Variants in KHDRBS2 observed in about 807,000 individuals in gnomAD.
KHDRBS2 encodes the protein KH domain-containing, RNA-binding, signal transduction-associated protein 2.
A neutral mutation model predicts 44.3 loss-of-function variants in KHDRBS2; 26 were observed. The ratio of observed to expected loss-of-function variants is 0.59; its 90% CI spans 0.43 to 0.81. KHDRBS2 has a LOEUF of 0.81. Ranked by LOEUF, KHDRBS2 falls within the 40% of genes least tolerant of loss-of-function variation. The pLI is 0.00. For synonymous variants in KHDRBS2, 194 were observed against 151.1 expected, an observed-to-expected ratio of 1.28 and a Z score of -2.08; for missense variants, 476 against 433.1, an observed-to-expected ratio of 1.10 and a Z score of -0.88.
intron 1 of KHDRBS2, among the ~76,000 whole-genome samples, chr6:62,248,717 A>G (rs74996714): frequency 0.025 from 3,788 of 152,190 alleles, 119 homozygotes; most frequent in African/African-American, 0.081. Context: ...CAAAAGACTC[A>G]TGGGGAGCTC....
At chr6:61,771,746 T>C (rs1036235462) in intron 6 of KHDRBS2, among the ~76,000 whole-genome samples, 2 of 152,144 alleles carry the variant, frequency 1.3e-5, no homozygotes, top group African/African-American at 4.8e-5. Context: ...TGAGAGACTT[T>C]AACACCCCAC....
intron 7 of KHDRBS2, among the ~76,000 whole-genome samples, chr6:61,705,107 G>A (rs937298177): frequency 4.6e-5 from 7 of 151,698 alleles, no homozygotes; most frequent in African/African-American, 1.5e-4. Context: ...TATTTTGGAG[G>A]CCCAAACTCA....
intron 4 of KHDRBS2, among the ~76,000 whole-genome samples, chr6:61,945,641 C>T (rs943500291): frequency 1.3e-5 from 2 of 149,872 alleles, no homozygotes; most frequent in Non-Finnish European, 3.0e-5. Context: ...TAATTTTATA[C>T]ATCTTTCCTT....
chr6:61,899,757 T>C (rs1446231456), intron 5 of KHDRBS2, among the ~76,000 whole-genome samples: 1 of 124,570 alleles, frequency 8.0e-6, no homozygotes, highest in African/African-American at 2.9e-5. Flanking sequence ...TTTTAAGGCA[T>C]ACAAAATAGA....
At chr6:61,844,537 T>G (rs1185272405) in intron 6 of KHDRBS2, among the ~76,000 whole-genome samples, 2 of 152,168 alleles carry the variant, frequency 1.3e-5, no homozygotes, top group Non-Finnish European at 2.9e-5. Context: ...TTCTAGTACC[T>G]TTGTTGATAT....
rs544090128 is a variant in KHDRBS2 at position 61,710,851 on chromosome 6, T to C, written c.894-13598A>G. 1.8e-4 allele frequency among the ~76,000 whole-genome samples: 25 copies of C among 138,936 alleles called. 1 individual carries two copies. The highest frequency in any genetic ancestry group is 3.3e-4 in the Non-Finnish European group (21 of 64,600). The allele number at this position is 138,936 out of a possible 152,430, so 91.1% of individuals were successfully genotyped here. ...TTCTTTATCACAATGGTTTTTAACA[T>C]CTAGTATGCATAAGCATTATAAGGA... On this transcript the variant is annotated intron_variant, in intron 7 of 8. Transcript: ENST00000281156.
chr6:62,019,763 C>T (rs2090388), intron 3 of KHDRBS2, among the ~76,000 whole-genome samples: 93,897 of 151,792 alleles, frequency 0.62, 29,222 homozygotes, highest in African/African-American at 0.63. Context: ...TTTATATCTG[C>T]TAAATCCATG....
intron 1 of KHDRBS2, among the ~76,000 whole-genome samples, chr6:62,214,393 A>C (rs1296877440): frequency 6.6e-6 from 1 of 152,194 alleles, no homozygotes; most frequent in Non-Finnish European, 1.5e-5. Flanking sequence ...AGAAAACTGT[A>C]ATAATAGGAA....
Position 61,756,503 on chromosome 6 carries a change from G to A in KHDRBS2, c.811-23739C>T, listed in dbSNP as rs145527194. ...TCGAACTCTTGACCTCAAGTGATCCGCCAGCCTTGGCCTCCCAAAGTGCTG... is the reference window on the plus strand; with the variant it reads ...TCGAACTCTTGACCTCAAGTGATCCACCAGCCTTGGCCTCCCAAAGTGCTG... On this transcript the variant is annotated intron_variant, in intron 6 of 8. Transcript: ENST00000281156. Among the ~76,000 whole-genome samples the A allele has an allele frequency of 1.9e-3, 282 of 152,146 alleles. 1 individual carries two copies. In the South Asian group the frequency reaches 0.021, roughly 12 times the overall value.
At chr6:61,817,421 C>T (rs1373153189) in intron 6 of KHDRBS2, among the ~76,000 whole-genome samples, 1 of 152,082 alleles carries the variant, frequency 6.6e-6, no homozygotes, top group South Asian at 2.1e-4. Flanking sequence ...TATAGAAATA[C>T]TAAGCACTAT....
intron 6 of KHDRBS2, among the ~76,000 whole-genome samples, chr6:61,807,233 A>G (rs1562220980): frequency 1.3e-5 from 2 of 152,104 alleles, no homozygotes; most frequent in Non-Finnish European, 2.9e-5. Flanking sequence ...TGGGAGTACA[A>G]ATTAGTTAAG....
chr6:62,024,058 T>C (rs1439097375), intron 3 of KHDRBS2, among the ~76,000 whole-genome samples: 1 of 151,284 alleles, frequency 6.6e-6, no homozygotes, highest in Non-Finnish European at 1.5e-5. Flanking sequence ...AAAAGTTAAA[T>C]ATGTATACAA....
At chr6:61,756,097 C>CAGGGA (rs535427077) in intron 6 of KHDRBS2, among the ~76,000 whole-genome samples, 1 of 151,940 alleles carries the variant, frequency 6.6e-6, no homozygotes, top group South Asian at 2.1e-4. Flanking sequence ...TGGCTTCTGG[C>CAGGGA]AGGGAAAGTT....
At chr6:61,714,081 A>ATTAT (rs978014504) in intron 7 of KHDRBS2, among the ~76,000 whole-genome samples, 4 of 151,882 alleles carry the variant, frequency 2.6e-5, no homozygotes, top group Non-Finnish European at 4.4e-5. Flanking sequence ...GCACAGCAAA[A>ATTAT]TAAATAATTA....
chr6:61,919,120 A>T (rs1205052423), intron 4 of KHDRBS2, among the ~76,000 whole-genome samples: 2 of 151,946 alleles, frequency 1.3e-5, no homozygotes, highest in Non-Finnish European at 2.9e-5. Context: ...ATTTACATTT[A>T]TGTGTGTCTA....
intron 2 of KHDRBS2, 98 bp from the exon 3 acceptor site, chr6:62,048,092 C>A: frequency 5.9e-6 from 4 of 683,030 alleles, no homozygotes; most frequent in Non-Finnish European, 1.1e-5. Context: ...CCAAACTTTA[C>A]CACTGAGAAG....
intron 6 of KHDRBS2, among the ~76,000 whole-genome samples, chr6:61,806,357 G>A (rs1787160317): frequency 6.6e-6 from 1 of 152,256 alleles, no homozygotes; most frequent in East Asian, 1.9e-4. Context: ...ATAGGAAAGG[G>A]CTACGTAGTG....
the KHDRBS2 span, among the ~76,000 whole-genome samples, chr6:61,656,457 C>T: frequency 5.3e-5 from 8 of 152,018 alleles, no homozygotes; most frequent in Non-Finnish European, 1.2e-4. Flanking sequence ...TACTGTGTCT[C>T]TTAAGCAGTG....
chr6:61,729,415 G>A lies in KHDRBS2; in HGVS notation c.893+3267C>T, dbSNP rs111759730. On this transcript the variant is annotated intron_variant, in intron 7 of 8. Coordinates refer to ENST00000281156, the MANE Select transcript of KHDRBS2 (RefSeq NM_152688.4). ...GATGAAATAATCTGCACAACAAACCGCCATGACAGATGAATGTTTTCATTT... is the reference window on the plus strand; with the variant it reads ...GATGAAATAATCTGCACAACAAACCACCATGACAGATGAATGTTTTCATTT... 1.8e-3 allele frequency among the ~76,000 whole-genome samples: 271 copies of A among 152,116 alleles called. 1 individual carries two copies. Among genetic ancestry groups the A allele is most frequent in the African/African-American group, 6.3e-3 (263 of 41,520 alleles).
Sources: allele counts gnomAD v4.1 joint callset (sites outside exome capture counted in the v4.1 genomes callset), GRCh38; gene constraint gnomAD v4.1.1; transcripts MANE v1.5; gene names NCBI Gene and HGNC (gene_info 2026-07-23, HGNC 2026-07-21).